The following FAR1 variants were observed in gnomAD, a reference collection of about 807,000 sequenced individuals.
FAR1 encodes male sterility domain-containing protein 2.
In FAR1, 22 loss-of-function variants were observed where a neutral mutation model predicts 61.1. The ratio of observed to expected loss-of-function variants is 0.36; its 90% confidence interval spans 0.26 to 0.51. The LOEUF is 0.51. Among genes scored for constraint, FAR1 ranks in the 20% least tolerant of loss-of-function variants. The pLI, the probability that FAR1 is intolerant of heterozygous loss-of-function variation, is 0.95. For missense variants in FAR1, 359 were observed against 626.9 expected (o/e 0.57, Z 4.56); for synonymous variants, 206 against 209.7 (o/e 0.98, Z 0.15).
chr11:13,695,424 G>C (rs1848297894), intron 2 of FAR1, among the ~76,000 whole-genome samples: 1 of 152,030 alleles, frequency 6.6e-6, no homozygotes, highest in Non-Finnish European at 1.5e-5. Context: ...GGGCCGTATA[G>C]AATATAATAT....
At chr11:13,678,937 A>G (rs1848096949) in intron 1 of FAR1, among the ~76,000 whole-genome samples, 1 of 152,198 alleles carries the variant, frequency 6.6e-6, no homozygotes, top group Non-Finnish European at 1.5e-5. Context: ...AATACAGCAT[A>G]TATATGAAGC....
At position 13,731,542 on chromosome 11, in the gene FAR1, C is replaced by G. The variant is rs1020037868; in HGVS notation, c.*2768C>G. On this transcript the variant is annotated 3_prime_UTR_variant, in exon 12 of 12. Coordinates refer to ENST00000354817, the MANE Select transcript of FAR1 (RefSeq NM_032228.6). ...TATGTTCTGAAAATTACCCATGGAACAATATGCTTAGGATTACAGGAAGCA... is the reference window on the plus strand; with the variant it reads ...TATGTTCTGAAAATTACCCATGGAAGAATATGCTTAGGATTACAGGAAGCA... 6.6e-6 allele frequency: 1 copy of G among 152,436 alleles called. No homozygotes were observed. The allele number at this position is 152,436 out of a possible 1,614,324, so 9.4% of individuals were successfully genotyped here. A position where few individuals can be genotyped will look rare whatever the true frequency, so the allele number is the denominator to read the frequency against.
At chr11:13,699,382 GT>G (rs951695560) in intron 2 of FAR1, among the ~76,000 whole-genome samples, 2 of 152,160 alleles carry the variant, frequency 1.3e-5, no homozygotes, top group Non-Finnish European at 2.9e-5. Context: ...TAATATTCAA[GT>G]CATGTGCTAG....
chr11:13,670,591 A>C lies in FAR1; in HGVS notation c.-8+1785A>C, dbSNP rs541813666. Among the ~76,000 whole-genome samples, 6 of 152,302 alleles carry C rather than the reference A, an allele frequency of 3.9e-5. No homozygotes were observed. In the South Asian group the frequency reaches 1.2e-3, roughly 32 times the overall value. ...ACAGGCGTTAGCTGCCGCGCCGGCC[A>C]AAATTATTCCATAAATTTATCCATA... On this transcript the variant is annotated intron_variant, in intron 1 of 11. Transcript: ENST00000354817.
At chr11:13,707,494 A>G (rs2134188925) in intron 3 of FAR1, among the ~76,000 whole-genome samples, 1 of 152,258 alleles carries the variant, frequency 6.6e-6, no homozygotes, top group South Asian at 2.1e-4. Flanking sequence ...TAACATTTTA[A>G]AATTACTTAA....
chr11:13,708,445 G>GCACACACACA lies in FAR1; in HGVS notation c.545+367_545+368insACACACACAC, dbSNP rs1208535632. On this transcript the variant is annotated intron_variant, in intron 4 of 11. Coordinates refer to ENST00000354817, the MANE Select transcript of FAR1 (RefSeq NM_032228.6). ...ACCCCATATACATGTGCGCGCGCGC[G>GCACACACACA]CGCACACACACACACACACACACAC... Among the ~76,000 whole-genome samples, 9 of 81,224 alleles carry GCACACACACA rather than the reference G, an allele frequency of 1.1e-4. 1 individual carries two copies. In the Middle Eastern group the frequency reaches 0.018, roughly 161 times the overall value. The allele number at this position is 81,224 out of a possible 152,430, so 53.3% of individuals were successfully genotyped here.
chr11:13,684,381 C>T (rs926027196), intron 1 of FAR1, among the ~76,000 whole-genome samples: 1 of 152,080 alleles, frequency 6.6e-6, no homozygotes, highest in East Asian at 1.9e-4. Flanking sequence ...AGCTGAAGGA[C>T]CATACTGAGA....
intron 1 of FAR1, among the ~76,000 whole-genome samples, chr11:13,674,225 C>T (rs1281941326): frequency 6.6e-6 from 1 of 151,014 alleles, no homozygotes; most frequent in Non-Finnish European, 1.5e-5. Flanking sequence ...AAAAGAATTG[C>T]TTGAACCCGG....
At chr11:13,716,207 C>CA (rs34333591) in intron 9 of FAR1, among the ~76,000 whole-genome samples, 4,925 of 141,744 alleles carry the variant, frequency 0.035, 108 homozygotes, top group Non-Finnish European at 0.05. Context: ...AAAACTGGGT[C>CA]AAAAAAAAAA....
intron 8 of FAR1, among the ~76,000 whole-genome samples, chr11:13,713,721 A>G (rs1384638200): frequency 2.0e-5 from 3 of 152,086 alleles, no homozygotes; most frequent in Admixed American, 6.6e-5. Flanking sequence ...TTTGATTTCA[A>G]TGTAGATTTT....
rs1339352999 is a variant in FAR1 at position 13,730,420 on chromosome 11, C to T, written c.*1646C>T. On this transcript the variant is annotated 3_prime_UTR_variant, in exon 12 of 12. Transcript: ENST00000354817. ...TTAAAAGAAATATGTATATAAATATCTCTATATTCTTTGGAATGATACTAA... is the reference window on the plus strand; with the variant it reads ...TTAAAAGAAATATGTATATAAATATTTCTATATTCTTTGGAATGATACTAA... The T allele has an allele frequency of 6.6e-6, 1 of 152,118 alleles. No individual in the cohort carries two copies. Among genetic ancestry groups the T allele is most frequent in the South Asian group, 2.1e-4 (1 of 4,810 alleles). The allele number at this position is 152,118 out of a possible 1,614,324, so 9.4% of individuals were successfully genotyped here.
At position 13,721,725 on chromosome 11, in the gene FAR1, T is replaced by TA. The variant is rs1457052799; in HGVS notation, c.1128-4dup. The TA allele has an allele frequency of 6.2e-7, 1 of 1,609,340 alleles. No individual in the cohort carries two copies. The highest frequency in any genetic ancestry group is 2.2e-5 in the East Asian group (1 of 44,574). ...ATGAATCTGTCCATTTTTCTTACAA[T>TA]ACAGGATGATGAAAACAATAACTCG... On this transcript the variant is annotated splice_region_variant and splice_polypyrimidine_tract_variant and intron_variant, in intron 9 of 11. Transcript: ENST00000354817. The surrounding 1 kb of genome is among the most constrained non-coding windows in gnomAD (Gnocchi z 4.2).
intron 1 of FAR1, among the ~76,000 whole-genome samples, chr11:13,683,772 C>G (rs145471187): frequency 1.3e-5 from 2 of 152,212 alleles, no homozygotes; most frequent in African/African-American, 4.8e-5. Flanking sequence ...GGCTGGACTT[C>G]CAGGTATAGC....
intron 1 of FAR1, among the ~76,000 whole-genome samples, chr11:13,692,273 A>G (rs1848258326): frequency 6.6e-6 from 1 of 152,210 alleles, no homozygotes; most frequent in South Asian, 2.1e-4. Flanking sequence ...CAAATATTCC[A>G]AATTTGAAAA....
intron 1 of FAR1, among the ~76,000 whole-genome samples, chr11:13,672,643 T>A (rs1848021223): frequency 6.7e-6 from 1 of 150,204 alleles, no homozygotes; most frequent in African/African-American, 2.4e-5. Context: ...TAGGCTAGTC[T>A]GAACTTGGGG....
Position 13,682,374 on chromosome 11 carries a change from C to G in FAR1, c.-7-12385C>G, listed in dbSNP as rs73424777. The stretch of plus-strand genomic sequence containing the variant: ...ATTGTTTAAAACAGAGGTTGGCAAA[C>G]TATGGCCTGCAAACTGTCTTCCTGT... On this transcript the variant is annotated intron_variant, in intron 1 of 11. Transcript: ENST00000354817. 2.0e-3 allele frequency among the ~76,000 whole-genome samples: 300 copies of G among 152,272 alleles called. 2 individuals are homozygous for G. Among genetic ancestry groups the G allele is most frequent in the African/African-American group, 7.0e-3 (290 of 41,558 alleles).
At chr11:13,690,228 A>G (rs568189446) in intron 1 of FAR1, among the ~76,000 whole-genome samples, 1 of 152,038 alleles carries the variant, frequency 6.6e-6, no homozygotes, top group African/African-American at 2.4e-5. Flanking sequence ...TGTTTGTTCA[A>G]GCCTTTCCCA....
At chr11:13,681,402 C>T (rs116523975) in intron 1 of FAR1, among the ~76,000 whole-genome samples, 47 of 152,296 alleles carry the variant, frequency 3.1e-4, no homozygotes, top group African/African-American at 1.1e-3. Context: ...TATTTTCCAT[C>T]GCACATGTGT....
At chr11:13,689,522 C>T (rs1478217103) in intron 1 of FAR1, among the ~76,000 whole-genome samples, 4 of 152,040 alleles carry the variant, frequency 2.6e-5, no homozygotes, top group African/African-American at 7.3e-5. Flanking sequence ...ATGCATATAC[C>T]ACACTGTATA....
Sources: allele counts gnomAD v4.1 joint callset (sites outside exome capture counted in the v4.1 genomes callset), GRCh38; gene constraint gnomAD v4.1.1; non-coding constraint Gnocchi (gnomAD v3.1); transcripts MANE v1.5; gene names NCBI Gene and HGNC (gene_info 2026-07-23, HGNC 2026-07-21).